Variants in DAAM1 observed in about 807,000 individuals in gnomAD.
The protein encoded by DAAM1 is disheveled-associated activator of morphogenesis 1.
A neutral mutation model predicts 130.0 loss-of-function variants in DAAM1; 52 were observed. The ratio of observed to expected loss-of-function variants is 0.40; its 90% CI spans 0.32 to 0.50. DAAM1 has a LOEUF of 0.50. DAAM1 is among the 20% of genes least tolerant of loss of function. DAAM1 has a pLI of 0.61. For synonymous variants in DAAM1, 452 were observed against 444.5 expected (o/e 1.02, Z -0.21); for missense variants, 1,134 against 1,303.8 (o/e 0.87, Z 2.01).
intron 1 of DAAM1, among the ~76,000 whole-genome samples, chr14:59,240,512 G>A (rs965424): frequency 0.14 from 20,815 of 152,004 alleles, 1,607 homozygotes; most frequent in Middle Eastern, 0.2. Flanking sequence ...TTTGACTGAG[G>A]CCCAGTATAT....
intron 1 of DAAM1, among the ~76,000 whole-genome samples, chr14:59,260,367 G>A (rs1383516458): frequency 6.6e-6 from 1 of 152,112 alleles, no homozygotes; most frequent in South Asian, 2.1e-4. Context: ...AACAAACAAG[G>A]TAATCTCTAC....
Position 59,188,738 on chromosome 14 carries a change from G to A in DAAM1, c.-68G>A, listed in dbSNP as rs377086987. 1 of 152,958 alleles carries A rather than the reference G, an allele frequency of 6.5e-6. No individual in the cohort carries two copies. Among genetic ancestry groups the A allele is most frequent in the African/African-American group, 2.4e-5 (1 of 41,460 alleles). The allele number at this position is 152,958 out of a possible 1,614,324, so 9.5% of individuals were successfully genotyped here. A position where few individuals can be genotyped will look rare whatever the true frequency, so the allele number is the denominator to read the frequency against. On this transcript the variant is annotated 5_prime_UTR_variant, in exon 1 of 25. Coordinates refer to ENST00000360909, the MANE Select transcript of DAAM1 (RefSeq NM_001270520.2). ...GATCCCATTGTACCCAGAGTGCAGA[G>A]CCGCCTTTCCAGCATGCAGGGGCTG...
chr14:59,360,520 A>G (rs555073560), intron 21 of DAAM1: 11 of 243,160 alleles, frequency 4.5e-5, no homozygotes, highest in African/African-American at 2.5e-4. Flanking sequence ...GATTTTTTTG[A>G]GTTTGAAACA....
At position 59,315,251 on chromosome 14, in the gene DAAM1, G is replaced by A. The variant is rs192302280; in HGVS notation, c.274-29G>A. On this transcript the variant is annotated intron_variant, in intron 3 of 24. Coordinates refer to ENST00000360909, the MANE Select transcript of DAAM1 (RefSeq NM_001270520.2). Reference sequence around the variant, plus strand: ...AGGTGCTGTGTGTATATGTTGGGTGGTATGTCACTTTTTTTCCCCCCTTTT... The same window carrying A: ...AGGTGCTGTGTGTATATGTTGGGTGATATGTCACTTTTTTTCCCCCCTTTT... 6.7e-4 allele frequency: 1,069 copies of A among 1,606,606 alleles called. 12 individuals carry two copies. In the East Asian group the frequency reaches 0.014, roughly 22 times the overall value.
chr14:59,277,883 C>T (rs1334512565), intron 2 of DAAM1, among the ~76,000 whole-genome samples: 1 of 152,114 alleles, frequency 6.6e-6, no homozygotes, highest in African/African-American at 2.4e-5. Context: ...GTACAGTAGT[C>T]CTCCCTTACC....
intron 1 of DAAM1, among the ~76,000 whole-genome samples, chr14:59,207,420 ACT>A (rs1888293165): frequency 6.6e-6 from 1 of 152,166 alleles, no homozygotes; most frequent in South Asian, 2.1e-4. Flanking sequence ...GGACCCTTTG[ACT>A]CTATTAAAAA....
At chr14:59,255,009 C>T (rs1594782338) in intron 1 of DAAM1, among the ~76,000 whole-genome samples, 2 of 152,182 alleles carry the variant, frequency 1.3e-5, no homozygotes, top group Non-Finnish European at 2.9e-5. Context: ...TTCTGGCTTC[C>T]ACTCTGTGTC....
intron 1 of DAAM1, among the ~76,000 whole-genome samples, chr14:59,222,223 G>A (rs1888795987): frequency 6.6e-6 from 1 of 152,220 alleles, no homozygotes; most frequent in African/African-American, 2.4e-5. Flanking sequence ...GGTCTGTGAA[G>A]TGAGTTGCTT....
chr14:59,280,674 T>C (rs879361750), intron 2 of DAAM1, among the ~76,000 whole-genome samples: 2 of 150,422 alleles, frequency 1.3e-5, no homozygotes, highest in Non-Finnish European at 1.5e-5. Flanking sequence ...CAATAACATA[T>C]AGCAATGTGA....
chr14:59,193,189 C>T lies in DAAM1; in HGVS notation c.-38+4421C>T, dbSNP rs554850738. ...TGGCTTGGAGGTAATGTCTGGTTGA[C>T]AGATCAGGCTAGGGTGGATGATACC... On this transcript the variant is annotated intron_variant, in intron 1 of 24. Coordinates refer to ENST00000360909, the MANE Select transcript of DAAM1 (RefSeq NM_001270520.2). Among the ~76,000 whole-genome samples the T allele has an allele frequency of 3.3e-5, 5 of 152,322 alleles. No homozygotes were observed. In the South Asian group the frequency reaches 8.3e-4, roughly 25 times the overall value.
chr14:59,239,010 TGG>T (rs969303005), intron 1 of DAAM1, among the ~76,000 whole-genome samples: 6 of 152,090 alleles, frequency 3.9e-5, no homozygotes, highest in African/African-American at 1.2e-4. Flanking sequence ...TGCTTAGGAG[TGG>T]GTGACCCTAT....
chr14:59,304,812 CT>C lies in DAAM1; in HGVS notation c.274-10462del, dbSNP rs371640312. 4.8e-3 allele frequency among the ~76,000 whole-genome samples: 730 copies of C among 152,288 alleles called. 9 individuals are homozygous for C. Among genetic ancestry groups the C allele is most frequent in the African/African-American group, 0.016 (679 of 41,546 alleles). ...AGGGACAGTTAACCTTGCATTAGCA[CT>C]TTTTTCTCATTCTGAGGATGCATCC... On this transcript the variant is annotated intron_variant, in intron 3 of 24. Transcript: ENST00000360909.
At chr14:59,355,431 A>T in intron 20 of DAAM1, 98 bp downstream of exon 20, 1 of 1,417,508 alleles carries the variant, frequency 7.1e-7, no homozygotes, top group Non-Finnish European at 9.6e-7. Flanking sequence ...ATGACACTGC[A>T]TTCTTCAGTT....
Position 59,258,819 on chromosome 14 carries a change from A to G in DAAM1, c.-37-4622A>G, listed in dbSNP as rs1261238808. 2.0e-5 allele frequency among the ~76,000 whole-genome samples: 3 copies of G among 152,222 alleles called. 1 individual carries two copies. The highest frequency in any genetic ancestry group is 4.8e-5 in the African/African-American group (2 of 41,450). On this transcript the variant is annotated intron_variant, in intron 1 of 24. Coordinates refer to ENST00000360909, the MANE Select transcript of DAAM1 (RefSeq NM_001270520.2). ...TTTGGGGATCCATGGAGGAGCCAGCATAAAATCTTGGCCTTTGGGTTTCAC... is the reference window on the plus strand; with the variant it reads ...TTTGGGGATCCATGGAGGAGCCAGCGTAAAATCTTGGCCTTTGGGTTTCAC...
Position 59,260,457 on chromosome 14 carries a change from T to C in DAAM1, c.-37-2984T>C, listed in dbSNP as rs192480383. 2.1e-3 allele frequency among the ~76,000 whole-genome samples: 316 copies of C among 152,328 alleles called. 1 individual carries two copies. The highest frequency in any genetic ancestry group is 3.4e-3 in the Middle Eastern group (1 of 294). Reference sequence around the variant, plus strand: ...TATCCTGCTCATATATGTAAATTTTTTCTCACAAAAATGGGACACTGTATT... The same window carrying C: ...TATCCTGCTCATATATGTAAATTTTCTCTCACAAAAATGGGACACTGTATT... On this transcript the variant is annotated intron_variant, in intron 1 of 24. Transcript: ENST00000360909.
rs1302446555 is a variant in DAAM1 at position 59,331,348 on chromosome 14, C to T, written c.1700C>T (p.Pro567Leu). The stretch of plus-strand genomic sequence containing the variant: ...GGTGGGATGCTTCCCCCTCCACCGC[C>T]TCCCCTCCCTCCAGGTGGCCCTCCT... ...LPGGMLPPPP[P>L]PLPPGGPPPP... The change falls in exon 14 of 25, where the codon CCT becomes CTT. Residue 567 changes from proline to leucine, a missense_variant. Pro to Leu is a moderately conservative substitution (Grantham distance 98). Transcript: ENST00000360909. 5 of 1,612,000 alleles carry T rather than the reference C, an allele frequency of 3.1e-6. No homozygotes were observed. In the Admixed American group the frequency reaches 8.3e-5, roughly 27 times the overall value.
At chr14:59,343,550 T>C (rs1020441125) in intron 16 of DAAM1, among the ~76,000 whole-genome samples, 1 of 152,242 alleles carries the variant, frequency 6.6e-6, no homozygotes, top group Non-Finnish European at 1.5e-5. Context: ...ATGCCATCAT[T>C]ACACCAAAGT....
At chr14:59,292,520 A>G (rs1001707491) in intron 3 of DAAM1, among the ~76,000 whole-genome samples, 20 of 152,194 alleles carry the variant, frequency 1.3e-4, no homozygotes, top group African/African-American at 3.9e-4. Flanking sequence ...TATGCCTCTG[A>G]TGAAGAGGCA....
chr14:59,370,654 AAC>A lies in DAAM1; in HGVS notation c.*1797_*1798del, dbSNP rs1201041937. ...ATGGAAATAAATGACTAGCAAATAA[AAC>A]AGTCATAAATACAAAGCAGAGGTTG... On this transcript the variant is annotated 3_prime_UTR_variant, in exon 25 of 25. Coordinates refer to ENST00000360909, the MANE Select transcript of DAAM1 (RefSeq NM_001270520.2). 2 of 152,134 alleles carry A rather than the reference AAC, an allele frequency of 1.3e-5. No homozygotes were observed. Among genetic ancestry groups the A allele is most frequent in the East Asian group, 1.9e-4 (1 of 5,194 alleles). The allele number at this position is 152,134 out of a possible 1,614,324, so 9.4% of individuals were successfully genotyped here.
Sources: allele counts gnomAD v4.1 joint callset (sites outside exome capture counted in the v4.1 genomes callset), GRCh38; gene constraint gnomAD v4.1.1; transcripts MANE v1.5; gene names NCBI Gene and HGNC (gene_info 2026-07-23, HGNC 2026-07-21).